C3orf22: variants seen among roughly 807,000 people sequenced by gnomAD.
C3orf22 encodes the protein chromosome 3 open reading frame 22.
In C3orf22, 7 loss-of-function variants were observed where a neutral mutation model predicts 10.8. The ratio of observed to expected loss-of-function variants is 0.65; its 90% CI spans 0.37 to 1.22. C3orf22 has a LOEUF of 1.22. C3orf22 is among the 50% of genes most tolerant of loss of function. C3orf22 has a pLI of 0.02. For missense variants in C3orf22, 173 were observed against 177.0 expected, an observed-to-expected ratio of 0.98 and a Z score of 0.13; for synonymous variants, 79 against 78.9, an observed-to-expected ratio of 1.00 and a Z score of 0.00.
downstream of C3orf22, among the ~76,000 whole-genome samples, chr3:126,544,715 T>C (rs1469087316): frequency 1.3e-5 from 2 of 152,248 alleles, no homozygotes; most frequent in African/African-American, 2.4e-5. Context: ...CAATTAGATG[T>C]GCCCTGCCTC....
In C3orf22 at chr3:126,549,861, C is replaced by T. The variant is rs774804083; in HGVS notation, c.*7G>A. Reference sequence around the variant, plus strand: ...CCAATAAGAAGGCCACACACAGAGCCCAGTCTCTAGGAGAGGCCCCTGGAC... The same window carrying T: ...CCAATAAGAAGGCCACACACAGAGCTCAGTCTCTAGGAGAGGCCCCTGGAC... On this transcript the variant is annotated 3_prime_UTR_variant, in exon 4 of 4. Coordinates refer to ENST00000318225, the MANE Select transcript of C3orf22 (RefSeq NM_152533.3). 13 of 1,607,386 alleles carry T rather than the reference C, an allele frequency of 8.1e-6. No homozygotes were observed. The highest frequency in any genetic ancestry group is 1.0e-5 in the Non-Finnish European group (12 of 1,176,338).
chr3:126,527,861 G>A (rs1936569595), exon 6 of C3orf22: 1 of 152,146 alleles, frequency 6.6e-6, no homozygotes, highest in African/African-American at 2.4e-5. Context: ...CTGCAGAACA[G>A]GAATTGGCAA....
Position 126,539,587 on chromosome 3 carries a change from CCA to C in C3orf22, c.286+9948_286+9949del, listed in dbSNP as rs796950011. On this transcript the variant is annotated intron_variant and NMD_transcript_variant, in intron 4 of 5. Coordinates refer to the C3orf22 transcript ENST00000505070. ...CACACACACACATATGTACCCCACA[CCA>C]CACACACCCCACACACTCCACACCA... 8.7e-4 allele frequency among the ~76,000 whole-genome samples: 124 copies of C among 142,214 alleles called. 2 individuals carry two copies. In the Middle Eastern group the frequency reaches 0.012, roughly 14 times the overall value. The allele number at this position is 142,214 out of a possible 152,430, so 93.3% of individuals were successfully genotyped here.
intron 4 of C3orf22, chr3:126,542,119 G>T (rs1473256536): frequency 6.3e-7 from 1 of 1,577,228 alleles, no homozygotes. Context: ...ACAAGCTCGC[G>T]CGCCCCTACA....
chr3:126,541,613 T>G (rs1194175838), intron 4 of C3orf22: 1 of 940,002 alleles, frequency 1.1e-6, no homozygotes, highest in East Asian at 3.2e-5. Flanking sequence ...GGTTCGAATT[T>G]GGGTGCCCGG....
At chr3:126,542,769 C>T (rs1425797326) in intron 4 of C3orf22, 6 of 778,784 alleles carry the variant, frequency 7.7e-6, no homozygotes, top group Non-Finnish European at 1.1e-5. Context: ...GCCCTGCACG[C>T]GTGTGCCTGC....
At chr3:126,534,847 T>C (rs905626329) in intron 4 of C3orf22, among the ~76,000 whole-genome samples, 1 of 147,494 alleles carries the variant, frequency 6.8e-6, no homozygotes, top group Non-Finnish European at 1.5e-5. Flanking sequence ...AGAGCATCCC[T>C]GTCCTCAGCT....
chr3:126,541,807 A>G (rs1488671810), intron 4 of C3orf22: 3 of 1,554,762 alleles, frequency 1.9e-6, no homozygotes, highest in Admixed American at 1.9e-5. Context: ...GCCGCCACTC[A>G]CGCCGGCAGC....
intron 4 of C3orf22, among the ~76,000 whole-genome samples, chr3:126,535,958 A>G (rs1245122285): frequency 6.6e-6 from 1 of 152,206 alleles, no homozygotes; most frequent in Non-Finnish European, 1.5e-5. Context: ...AGTTTGGGTG[A>G]TCTGGCCTTT....
At chr3:126,556,945 C>A (rs1937357035) in intron 1 of C3orf22, among the ~76,000 whole-genome samples, 1 of 151,590 alleles carries the variant, frequency 6.6e-6, no homozygotes, top group East Asian at 1.9e-4. Context: ...CACTCACACA[C>A]TCATACACAC....
At chr3:126,528,493 A>C (rs1023135899) in intron 5 of C3orf22, among the ~76,000 whole-genome samples, 4 of 152,138 alleles carry the variant, frequency 2.6e-5, no homozygotes, top group Admixed American at 1.3e-4. Context: ...GGATTGCTGC[A>C]AGGAGTGAGA....
At position 126,553,508 on chromosome 3, in the gene C3orf22, C is replaced by A. The variant is rs552982807; in HGVS notation, c.-40-78G>T. ...GCAGAGTGATGAGTACCCAGCAGGGCTGGGGGTGCCTGCGGGCCGCCAAAT... is the reference window on the plus strand; with the variant it reads ...GCAGAGTGATGAGTACCCAGCAGGGATGGGGGTGCCTGCGGGCCGCCAAAT... On this transcript the variant is annotated intron_variant, in intron 1 of 3. Transcript: ENST00000318225. 8 of 933,332 alleles carry A rather than the reference C, an allele frequency of 8.6e-6. No homozygotes were observed. In the Admixed American group the frequency reaches 1.2e-4, roughly 13 times the overall value. 57.8% of individuals were successfully genotyped at this position (933,332 alleles called of 1,614,324 possible). A position where few individuals can be genotyped will look rare whatever the true frequency, so the allele number is the denominator to read the frequency against.
intron 4 of C3orf22, among the ~76,000 whole-genome samples, chr3:126,532,151 G>T (rs116020196): frequency 6.6e-6 from 1 of 152,144 alleles, no homozygotes; most frequent in Non-Finnish European, 1.5e-5. Context: ...TTCTCCATAC[G>T]TTGTGGGTAC....
downstream of C3orf22, among the ~76,000 whole-genome samples, chr3:126,548,651 GACCTGGGGTCCC>G (rs1489696797): frequency 1.3e-5 from 2 of 152,174 alleles, no homozygotes; most frequent in African/African-American, 4.8e-5. Context: ...CCCCTGCCTG[GACCTGGGGTCCC>G]ACCTGGGGAG....
chr3:126,538,210 A>G (rs1166386558), intron 4 of C3orf22, among the ~76,000 whole-genome samples: 2 of 152,222 alleles, frequency 1.3e-5, no homozygotes, highest in Non-Finnish European at 2.9e-5. Context: ...CTGCTCGGAG[A>G]CTGGCAGCCC....
chr3:126,527,421 G>A (rs554062353), exon 6 of C3orf22: 1 of 152,430 alleles, frequency 6.6e-6, no homozygotes, highest in South Asian at 2.1e-4. Context: ...GCTTTTCTCT[G>A]CCATAGCCTC....
At chr3:126,544,200 A>C (rs972721399) in intron 4 of C3orf22, among the ~76,000 whole-genome samples, 7 of 152,118 alleles carry the variant, frequency 4.6e-5, no homozygotes, top group Non-Finnish European at 8.8e-5. Context: ...CTTTATAAGA[A>C]GAGTAAATCA....
At chr3:126,527,360 T>C (rs1465638366) in exon 6 of C3orf22, 1 of 152,310 alleles carries the variant, frequency 6.6e-6, no homozygotes, top group Non-Finnish European at 1.5e-5. Flanking sequence ...TGCCTCTGCC[T>C]CGGACAGGCA....
intron 4 of C3orf22, among the ~76,000 whole-genome samples, chr3:126,539,862 C>A (rs571448365): frequency 0.32 from 159 of 492 alleles, 13 homozygotes; most frequent in East Asian, 0.5. Context: ...CACACACACC[C>A]CACACCACAC....
Sources: gnomAD v4.1 joint callset for allele counts (sites outside exome capture counted in the v4.1 genomes callset) on GRCh38, gnomAD v4.1.1 for gene constraint, MANE v1.5 for transcripts, NCBI Gene and HGNC (gene_info 2026-07-23, HGNC 2026-07-21) for gene names.